Variants in SCAPER observed in about 807,000 individuals in gnomAD.
SCAPER encodes S-phase cyclin A associated protein in the ER, also known as S phase cyclin A-associated protein in the endoplasmic reticulum.
A neutral mutation model predicts 182.2 loss-of-function variants in SCAPER; 98 were observed. The observed-to-expected ratio is 0.54, with a 90% CI of 0.46 to 0.64. SCAPER has a LOEUF of 0.64. Ranked by LOEUF, SCAPER falls within the 30% of genes least tolerant of loss-of-function variation. SCAPER has a pLI of 0.00. For missense variants in SCAPER, 1,432 were observed against 1,690.0 expected (o/e 0.85, Z 2.68); for synonymous variants, 605 against 564.6 (o/e 1.07, Z -1.01).
rs1252338129 is a variant in SCAPER, at chr15:76,348,617, G to A, written c.*16C>T. On this transcript the variant is annotated 3_prime_UTR_variant, in exon 32 of 32. Coordinates refer to ENST00000563290, the MANE Select transcript of SCAPER (RefSeq NM_020843.4). ...ATATTAACAAGGGTACTCAAATACA[G>A]AATCAACCAAAACATTTATTTTTTC... is the stretch of plus-strand genomic sequence containing the variant. The A allele has an allele frequency of 6.7e-7, 1 of 1,488,848 alleles. No individual in the cohort carries two copies. The highest frequency in any genetic ancestry group is 9.1e-7 in the Non-Finnish European group (1 of 1,101,192). 92.2% of individuals were successfully genotyped at this position (1,488,848 alleles called of 1,614,324 possible).
At chr15:76,733,168 G>T in intron 16 of SCAPER, 61 bp downstream of exon 16, 4 of 1,492,464 alleles carry the variant, frequency 2.7e-6, no homozygotes, top group Non-Finnish European at 3.6e-6. Flanking sequence ...GACCCTGCGG[G>T]GCTGGACCCT....
At chr15:76,697,594 T>G (rs760106344) in intron 20 of SCAPER, among the ~76,000 whole-genome samples, 10 of 152,214 alleles carry the variant, frequency 6.6e-5, no homozygotes, top group Non-Finnish European at 1.3e-4. Context: ...AAGTTTTTTT[T>G]GTAAATTAAA....
intron 23 of SCAPER, among the ~76,000 whole-genome samples, chr15:76,571,235 A>T: frequency 6.6e-6 from 1 of 152,086 alleles, no homozygotes; most frequent in East Asian, 1.9e-4. Context: ...ATTACTTCTT[A>T]GCTATTTGAT....
chr15:76,492,483 A>G (rs1376399777), intron 24 of SCAPER, among the ~76,000 whole-genome samples: 2 of 152,230 alleles, frequency 1.3e-5, no homozygotes, highest in Admixed American at 6.5e-5. Flanking sequence ...TGTACCAAAC[A>G]TATTTTAAAT....
At chr15:76,817,149 T>C (rs1448941179) in intron 5 of SCAPER, among the ~76,000 whole-genome samples, 2 of 152,230 alleles carry the variant, frequency 1.3e-5, no homozygotes, top group Non-Finnish European at 2.9e-5. Context: ...TGGTCCATTA[T>C]AATCTTATGA....
chr15:76,392,310 T>G (rs919113942), intron 27 of SCAPER, among the ~76,000 whole-genome samples: 1 of 152,162 alleles, frequency 6.6e-6, no homozygotes, highest in Admixed American at 6.5e-5. Flanking sequence ...TACAAGAATA[T>G]GTAAAAAATA....
chr15:76,725,607 A>G (rs2060536939), intron 17 of SCAPER, among the ~76,000 whole-genome samples: 1 of 152,156 alleles, frequency 6.6e-6, no homozygotes, highest in South Asian at 2.1e-4. Flanking sequence ...ACAAAACTAC[A>G]GTAATCAAAA....
intron 22 of SCAPER, among the ~76,000 whole-genome samples, chr15:76,587,746 A>C (rs931733681): frequency 6.6e-6 from 1 of 152,092 alleles, no homozygotes; most frequent in Non-Finnish European, 1.5e-5. Context: ...GATTAATAGA[A>C]TGTATATTCT....
intron 21 of SCAPER, among the ~76,000 whole-genome samples, chr15:76,634,117 G>A (rs1022198528): frequency 1.3e-5 from 2 of 152,248 alleles, no homozygotes; most frequent in African/African-American, 2.4e-5. Context: ...CCCTGGTGGC[G>A]TGGGCTCATG....
At chr15:76,636,182 T>A (rs909995669) in intron 21 of SCAPER, among the ~76,000 whole-genome samples, 2 of 152,168 alleles carry the variant, frequency 1.3e-5, no homozygotes, top group African/African-American at 4.8e-5. Flanking sequence ...ATAGAATTCT[T>A]GGTTAACAGG....
intron 23 of SCAPER, among the ~76,000 whole-genome samples, chr15:76,510,731 G>C (rs1275537881): frequency 6.6e-6 from 1 of 152,202 alleles, no homozygotes. Flanking sequence ...CATCTACCCA[G>C]AGCAAAAGAA....
intron 1 of SCAPER, among the ~76,000 whole-genome samples, chr15:76,902,158 T>C (rs976619172): frequency 1.3e-5 from 2 of 152,224 alleles, no homozygotes; most frequent in Admixed American, 6.5e-5. Context: ...TGGAATACTA[T>C]GCAGCCATAA....
At chr15:76,449,360 A>G (rs2048217535) in intron 25 of SCAPER, among the ~76,000 whole-genome samples, 1 of 152,202 alleles carries the variant, frequency 6.6e-6, no homozygotes, top group Non-Finnish European at 1.5e-5. Flanking sequence ...TTTGATCTGT[A>G]TTCTATACCT....
intron 14 of SCAPER, 62 bp from the exon 15 acceptor site, chr15:76,754,010 A>C: frequency 6.5e-7 from 1 of 1,538,508 alleles, no homozygotes; most frequent in South Asian, 1.2e-5. Context: ...AAAGAAGTAC[A>C]AACAAGTAAA....
intron 17 of SCAPER, among the ~76,000 whole-genome samples, chr15:76,725,173 TA>T (rs897518568): frequency 1.3e-5 from 2 of 151,814 alleles, no homozygotes; most frequent in Admixed American, 1.3e-4. Flanking sequence ...AAATAGTAAC[TA>T]AAAAATATCA....
At chr15:76,372,619 A>G (rs1463859959) in intron 29 of SCAPER, among the ~76,000 whole-genome samples, 1 of 152,240 alleles carries the variant, frequency 6.6e-6, no homozygotes, top group Non-Finnish European at 1.5e-5. Context: ...ACCATCCTTA[A>G]TATGAAATGC....
chr15:76,823,189 T>C (rs2067717568), intron 5 of SCAPER, among the ~76,000 whole-genome samples: 2 of 152,198 alleles, frequency 1.3e-5, no homozygotes, highest in African/African-American at 4.8e-5. Context: ...CTGGGCGCTG[T>C]GGCTCATGCC....
chr15:76,479,078 G>C (rs1312381342), intron 24 of SCAPER, among the ~76,000 whole-genome samples: 1 of 152,058 alleles, frequency 6.6e-6, no homozygotes, highest in East Asian at 1.9e-4. Context: ...AGTCATTTAT[G>C]GGTAAAGTGT....
intron 5 of SCAPER, among the ~76,000 whole-genome samples, chr15:76,819,579 C>T (rs1398915526): frequency 6.6e-6 from 1 of 152,146 alleles, no homozygotes; most frequent in African/African-American, 2.4e-5. Context: ...ATCAAAAACC[C>T]ATCTGTACGT....
Sources: allele counts gnomAD v4.1 joint callset (sites outside exome capture counted in the v4.1 genomes callset), GRCh38; gene constraint gnomAD v4.1.1; transcripts MANE v1.5; gene names NCBI Gene and HGNC (gene_info 2026-07-23, HGNC 2026-07-21).